The following CLVS1 variants were observed in gnomAD, a reference collection of about 807,000 sequenced individuals.
CLVS1 encodes clavesin-1.
Under a neutral mutation model 33.1 loss-of-function variants are expected in CLVS1, and 10 were observed. The ratio of observed to expected loss-of-function variants is 0.30; its 90% CI spans 0.19 to 0.51. The LOEUF is 0.51. CLVS1 is among the 20% of genes least tolerant of loss of function. The pLI, the probability that CLVS1 is intolerant of heterozygous loss-of-function variation, is 0.97. For synonymous variants in CLVS1, 163 were observed against 166.1 expected, an observed-to-expected ratio of 0.98 and a Z score of 0.14; for missense variants, 343 against 433.4, an observed-to-expected ratio of 0.79 and a Z score of 1.85.
chr8:61,236,936 A>G (rs781629718), intron 2 of CLVS1, among the ~76,000 whole-genome samples: 3 of 152,226 alleles, frequency 2.0e-5, no homozygotes, highest in Non-Finnish European at 4.4e-5. Flanking sequence ...GGTGGATGGC[A>G]GAATAGAGTG....
chr8:61,426,746 T>C (rs968654610), intron 3 of CLVS1, among the ~76,000 whole-genome samples: 2 of 152,214 alleles, frequency 1.3e-5, no homozygotes, highest in African/African-American at 2.4e-5. Flanking sequence ...GTGCTTATCC[T>C]GTATCTTCAT....
upstream of CLVS1, among the ~76,000 whole-genome samples, chr8:61,286,813 T>C (rs1003890265): frequency 6.6e-6 from 1 of 152,222 alleles, no homozygotes; most frequent in African/African-American, 2.4e-5. Context: ...AATCAAGTTA[T>C]CTTGGCAAAA....
intron 3 of CLVS1, among the ~76,000 whole-genome samples, chr8:61,394,715 C>T (rs1814448367): frequency 6.6e-6 from 1 of 152,172 alleles, no homozygotes; most frequent in Non-Finnish European, 1.5e-5. Context: ...GTCCAAGCAG[C>T]CAGCATGCAG....
intron 2 of CLVS1, among the ~76,000 whole-genome samples, chr8:61,329,920 G>C (rs1263342547): frequency 6.6e-6 from 1 of 152,086 alleles, no homozygotes; most frequent in East Asian, 1.9e-4. Context: ...AGGGCCCCTT[G>C]TCCTTGCCAT....
chr8:61,025,838 T>A, the CLVS1 span, among the ~76,000 whole-genome samples: 1 of 152,180 alleles, frequency 6.6e-6, no homozygotes, highest in Non-Finnish European at 1.5e-5. Flanking sequence ...CCTAATACAA[T>A]AATTTGTTTG....
chr8:61,454,281 C>T (rs1345706782), intron 4 of CLVS1, 30 bp downstream of exon 4: 4 of 1,509,724 alleles, frequency 2.6e-6, no homozygotes, highest in Non-Finnish European at 3.7e-6. Context: ...CATGTAAATT[C>T]CTGGTACAAT....
chr8:61,023,880 C>T, the CLVS1 span, among the ~76,000 whole-genome samples: 3 of 152,314 alleles, frequency 2.0e-5, no homozygotes, highest in East Asian at 5.8e-4. Context: ...AGGGAGAAGC[C>T]GGAGAGACTG....
chr8:61,042,742 T>G, the CLVS1 span, among the ~76,000 whole-genome samples: 1 of 152,204 alleles, frequency 6.6e-6, no homozygotes, highest in Non-Finnish European at 1.5e-5. Context: ...TTTATAAATA[T>G]GGCATTGGAA....
intron 2 of CLVS1, among the ~76,000 whole-genome samples, chr8:61,221,262 G>T (rs567457329): frequency 2.0e-5 from 3 of 152,024 alleles, no homozygotes; most frequent in Non-Finnish European, 2.9e-5. Flanking sequence ...TTCTTGTGCC[G>T]GTTTGCAAAG....
chr8:61,422,137 G>A (rs1203704971), intron 3 of CLVS1, among the ~76,000 whole-genome samples: 1 of 151,260 alleles, frequency 6.6e-6, no homozygotes, highest in African/African-American at 2.4e-5. Context: ...AGTTTTAAAG[G>A]CCCTCAAAAG....
At chr8:61,252,241 T>C (rs960076229) in intron 2 of CLVS1, among the ~76,000 whole-genome samples, 3 of 152,246 alleles carry the variant, frequency 2.0e-5, no homozygotes, top group African/African-American at 7.2e-5. Flanking sequence ...GTGAGTTTCT[T>C]AGTACTGAGT....
intron 2 of CLVS1, among the ~76,000 whole-genome samples, chr8:61,321,220 G>A (rs1418052078): frequency 6.6e-6 from 1 of 152,106 alleles, no homozygotes; most frequent in Non-Finnish European, 1.5e-5. Flanking sequence ...TTCAGTAGCT[G>A]AGGACCTGCT....
intron 2 of CLVS1, among the ~76,000 whole-genome samples, chr8:61,360,580 C>T (rs915742489): frequency 1.3e-5 from 2 of 152,178 alleles, no homozygotes; most frequent in East Asian, 1.9e-4. Context: ...TGGCTTTGTC[C>T]AACTTACTGG....
intron 1 of CLVS1, among the ~76,000 whole-genome samples, chr8:61,110,521 A>AG: frequency 6.6e-6 from 1 of 152,278 alleles, no homozygotes; most frequent in African/African-American, 2.4e-5. Flanking sequence ...TAAAAAAAAA[A>AG]GTTTTTTAAT....
At chr8:61,356,021 G>T (rs1812689028) in intron 2 of CLVS1, among the ~76,000 whole-genome samples, 1 of 152,142 alleles carries the variant, frequency 6.6e-6, no homozygotes, top group Non-Finnish European at 1.5e-5. Flanking sequence ...CTAGTTTACA[G>T]TCCCACCAAC....
chr8:61,058,467 G>A (rs975152308), intron 1 of CLVS1, among the ~76,000 whole-genome samples: 2 of 152,194 alleles, frequency 1.3e-5, no homozygotes, highest in Non-Finnish European at 2.9e-5. Context: ...ATATGTGGAA[G>A]TTACTTCTGA....
intron 2 of CLVS1, among the ~76,000 whole-genome samples, chr8:61,148,167 C>T (rs1210643557): frequency 6.6e-6 from 1 of 152,208 alleles, no homozygotes; most frequent in East Asian, 1.9e-4. Flanking sequence ...ATATGGTGTA[C>T]TTGAATTTCA....
chr8:61,376,339 A>T (rs1813640531), intron 2 of CLVS1, among the ~76,000 whole-genome samples: 1 of 152,206 alleles, frequency 6.6e-6, no homozygotes, highest in Non-Finnish European at 1.5e-5. Flanking sequence ...GAAGCAGAGT[A>T]TGGAAAGCCA....
intron 5 of CLVS1, among the ~76,000 whole-genome samples, chr8:61,486,278 C>T (rs1166817479): frequency 2.0e-5 from 3 of 151,886 alleles, no homozygotes; most frequent in Non-Finnish European, 4.4e-5. Flanking sequence ...TGCTCAGAGT[C>T]AGGCCAAAAA....
Sources: allele counts gnomAD v4.1 joint callset (sites outside exome capture counted in the v4.1 genomes callset), GRCh38; gene constraint gnomAD v4.1.1; transcripts MANE v1.5; gene names NCBI Gene and HGNC (gene_info 2026-07-23, HGNC 2026-07-21).